MUC22: variants seen among roughly 807,000 people sequenced by gnomAD.
MUC22 encodes mucin-22.
A neutral mutation model predicts 40.3 loss-of-function variants in MUC22; 24 were observed. The ratio of observed to expected loss-of-function variants is 0.60; its 90% CI spans 0.43 to 0.84. MUC22 has a LOEUF of 0.84. Ranked by LOEUF, MUC22 falls within the 40% of genes least tolerant of loss-of-function variation. The pLI is 0.00. For missense variants in MUC22, 1,926 were observed against 2,130.7 expected, an observed-to-expected ratio of 0.90 and a Z score of 1.89; for synonymous variants, 765 against 844.5, an observed-to-expected ratio of 0.91 and a Z score of 1.63.
chr6:31,006,602 G>A (rs1431846991), upstream of MUC22, among the ~76,000 whole-genome samples: 1 of 152,084 alleles, frequency 6.6e-6, no homozygotes, highest in African/African-American at 2.4e-5. Flanking sequence ...GGGAGTCTAT[G>A]GGACCTCTGT....
At chr6:31,034,693 A>C in exon 4 of MUC22, 1 of 1,534,668 alleles carries the variant, frequency 6.5e-7, no homozygotes, top group Non-Finnish European at 8.7e-7. Context: ...CTTCCCCCTG[A>C]GATATTGTGG....
At chr6:31,029,953 A>G in exon 2 of MUC22, 1 of 1,519,554 alleles carries the variant, frequency 6.6e-7, no homozygotes, top group Non-Finnish European at 8.8e-7. Context: ...GCCCACTGCA[A>G]CTTCCCTCAC....
Position 31,017,796 on chromosome 6 carries a change from A to G in MUC22, c.70+7020A>G, listed in dbSNP as rs77765716. On this transcript the variant is annotated intron_variant, in intron 1 of 3. Transcript: ENST00000561890. ...CAATCAGTAGGATGTGGGTGCCACC[A>G]GATAAGGGAATAAAAGCAGGCTGCC... Among the ~76,000 whole-genome samples the G allele has an allele frequency of 2.1e-3, 314 of 152,350 alleles. 1 individual carries two copies. Among genetic ancestry groups the G allele is most frequent in the African/African-American group, 6.9e-3 (287 of 41,578 alleles).
intron 1 of MUC22, among the ~76,000 whole-genome samples, chr6:31,021,745 T>A (rs529531799): frequency 2.7e-4 from 41 of 152,062 alleles, no homozygotes; most frequent in Non-Finnish European, 5.3e-4. Flanking sequence ...CAGCACCCTG[T>A]CAAAACAGAC....
At chr6:31,029,469 C>G in exon 2 of MUC22, 1 of 1,534,372 alleles carries the variant, frequency 6.5e-7, no homozygotes, top group South Asian at 1.2e-5. Context: ...CTGGGACCAC[C>G]ACAGCCTCTA....
chr6:31,022,798 A>T (rs932193113), intron 1 of MUC22, among the ~76,000 whole-genome samples: 1 of 150,306 alleles, frequency 6.7e-6, no homozygotes, highest in Non-Finnish European at 1.5e-5. Flanking sequence ...AATAAGAATG[A>T]TATTTAATAA....
At chr6:31,014,598 T>C (rs1562574884) in intron 1 of MUC22, among the ~76,000 whole-genome samples, 3 of 152,220 alleles carry the variant, frequency 2.0e-5, no homozygotes, top group Admixed American at 2.0e-4. Flanking sequence ...TAAAACCTTA[T>C]GCACTGTTAG....
chr6:31,010,454 C>A, upstream of MUC22: 1 of 510,250 alleles, frequency 2.0e-6, no homozygotes, highest in Non-Finnish European at 3.5e-6. Context: ...GCTATAAATG[C>A]CACAGACACG....
intron 1 of MUC22, among the ~76,000 whole-genome samples, chr6:31,013,749 G>T (rs1764005890): frequency 6.6e-6 from 1 of 152,128 alleles, no homozygotes; most frequent in South Asian, 2.1e-4. Flanking sequence ...CTGCAGCCTG[G>T]TACTCCCGGG....
intron 1 of MUC22, among the ~76,000 whole-genome samples, chr6:31,024,276 C>G (rs899772527): frequency 1.3e-5 from 2 of 152,070 alleles, no homozygotes; most frequent in Non-Finnish European, 2.9e-5. Flanking sequence ...GAACAACTAA[C>G]AAAACTTGAA....
At position 31,021,908 on chromosome 6, in the gene MUC22, C is replaced by T. The variant is rs577318490; in HGVS notation, c.71-3594C>T. ...CTTTGCAATAGATTTTGCTACTGCT[C>T]ACTTTTTGGGTCTACACTGTTTTTA... On this transcript the variant is annotated intron_variant, in intron 1 of 3. Coordinates refer to ENST00000561890, the Ensembl canonical transcript of MUC22. Among the ~76,000 whole-genome samples the T allele has an allele frequency of 9.2e-5, 14 of 152,174 alleles. No individual in the cohort carries two copies. The East Asian group carries it at 1.7e-3, about 19-fold the overall frequency.
chr6:31,026,239 GCCT>G (rs1765313641), exon 2 of MUC22: 5 of 1,528,738 alleles, frequency 3.3e-6, no homozygotes, highest in Non-Finnish European at 3.5e-6. Flanking sequence ...CACCACCACA[GCCT>G]CTACCACAGG....
At chr6:31,008,628 A>G (rs1763668056), upstream of MUC22, among the ~76,000 whole-genome samples, 1 of 149,978 alleles carries the variant, frequency 6.7e-6, no homozygotes, top group Admixed American at 6.6e-5. Flanking sequence ...GGCTCACTAC[A>G]ACCTCTGCCT....
At chr6:31,028,781 C>A in exon 2 of MUC22, 1 of 1,533,510 alleles carries the variant, frequency 6.5e-7, no homozygotes, top group Non-Finnish European at 8.7e-7. Flanking sequence ...GAGACCACCA[C>A]AGCCTCTACT....
intron 1 of MUC22, among the ~76,000 whole-genome samples, chr6:31,016,127 TCTTA>T (rs1340914312): frequency 1.5e-5 from 2 of 137,256 alleles, no homozygotes; most frequent in Non-Finnish European, 3.2e-5. Flanking sequence ...AGATGGCATC[TCTTA>T]CTTTTTTTTT....
chr6:31,016,291 C>T (rs1764196343), intron 1 of MUC22, among the ~76,000 whole-genome samples: 1 of 152,166 alleles, frequency 6.6e-6, no homozygotes, highest in South Asian at 2.1e-4. Context: ...TCTCAAATAT[C>T]TGGTAATCCC....
exon 2 of MUC22, chr6:31,026,820 C>T: frequency 6.7e-7 from 1 of 1,498,090 alleles, no homozygotes; most frequent in Non-Finnish European, 8.9e-7. Flanking sequence ...CCACCACAGG[C>T]TCTGAGACCA....
intron 3 of MUC22, among the ~76,000 whole-genome samples, chr6:31,033,671 C>T (rs1023746222): frequency 6.6e-6 from 1 of 152,182 alleles, no homozygotes; most frequent in African/African-American, 2.4e-5. Flanking sequence ...TGCAGTTCTT[C>T]CCAATTCTGA....
At chr6:31,033,312 AAAAG>A (rs141528388) in intron 3 of MUC22, among the ~76,000 whole-genome samples, 16,487 of 151,892 alleles carry the variant, frequency 0.11, 1,079 homozygotes, top group Middle Eastern at 0.17. Context: ...AGAGAAAGAA[AAAAG>A]AAAGAAGGAA....
Sources: gnomAD v4.1 joint callset for allele counts (sites outside exome capture counted in the v4.1 genomes callset) on GRCh38, gnomAD v4.1.1 for gene constraint, MANE v1.5 for transcripts, NCBI Gene and HGNC (gene_info 2026-07-23, HGNC 2026-07-21) for gene names.